The following COL19A1 variants were observed in gnomAD, a reference collection of about 807,000 sequenced individuals.
The protein encoded by COL19A1 is collagen alpha-1(XIX) chain.
Under a neutral mutation model 190.2 loss-of-function variants are expected in COL19A1, and 159 were observed. The observed-to-expected ratio is 0.84, with a 90% CI of 0.73 to 0.95. COL19A1 has a LOEUF of 0.95. Ranked by LOEUF, COL19A1 falls within the 40% of genes least tolerant of loss-of-function variation. The probability of loss-of-function intolerance (pLI) is 0.00; values close to 1 mark genes in which losing one functional copy is unlikely to be tolerated. For synonymous variants in COL19A1, 509 were observed against 458.9 expected (o/e 1.11, Z -1.39); for missense variants, 1,418 against 1,431.9 (o/e 0.99, Z 0.16).
chr6:70,188,609 C>G (rs1766672546), intron 47 of COL19A1, among the ~76,000 whole-genome samples: 1 of 152,214 alleles, frequency 6.6e-6, no homozygotes, highest in South Asian at 2.1e-4. Flanking sequence ...TCTAATGTCT[C>G]CTTACACTAC....
intron 11 of COL19A1, among the ~76,000 whole-genome samples, chr6:69,993,066 A>G (rs763612882): frequency 3.3e-5 from 5 of 152,090 alleles, no homozygotes; most frequent in Admixed American, 6.6e-5. Flanking sequence ...GCTTTTGCCC[A>G]TTCGGTATAA....
intron 1 of COL19A1, among the ~76,000 whole-genome samples, chr6:69,874,810 T>C (rs1263104066): frequency 3.9e-5 from 6 of 152,150 alleles, no homozygotes; most frequent in Non-Finnish European, 5.9e-5. Flanking sequence ...TAATGACCCT[T>C]GAAAGATTAT....
intron 46 of COL19A1, among the ~76,000 whole-genome samples, chr6:70,185,539 C>T (rs1263632244): frequency 6.6e-6 from 1 of 152,056 alleles, no homozygotes; most frequent in African/African-American, 2.4e-5. Context: ...ACTAGTAATG[C>T]CAATTATGTT....
chr6:70,090,144 T>C (rs1224208720), intron 15 of COL19A1, among the ~76,000 whole-genome samples: 2 of 151,674 alleles, frequency 1.3e-5, no homozygotes, highest in Non-Finnish European at 2.9e-5. Context: ...ACCACTTTAC[T>C]TCAGCCTGGG....
At position 69,922,727 on chromosome 6, in the gene COL19A1, C is replaced by T. The variant is rs532514771; in HGVS notation, c.267-5182C>T. Among the ~76,000 whole-genome samples the T allele has an allele frequency of 1.6e-3, 250 of 152,130 alleles. 2 individuals carry two copies. Among genetic ancestry groups the T allele is most frequent in the South Asian group, 0.015 (74 of 4,814 alleles). On this transcript the variant is annotated intron_variant, in intron 4 of 50. Coordinates refer to ENST00000620364, the MANE Select transcript of COL19A1 (RefSeq NM_001858.6). Reference sequence around the variant, plus strand: ...AACTCCTGACCTCAAGTGATCTGCCCGCCTCGGCCTCCCAAAGTGCTGGAA... The same window carrying T: ...AACTCCTGACCTCAAGTGATCTGCCTGCCTCGGCCTCCCAAAGTGCTGGAA...
At chr6:69,959,014 G>C (rs1023994858) in intron 9 of COL19A1, among the ~76,000 whole-genome samples, 3 of 152,116 alleles carry the variant, frequency 2.0e-5, no homozygotes, top group African/African-American at 4.8e-5. Flanking sequence ...AATTGTTAGC[G>C]TATTTTGAGC....
intron 42 of COL19A1, among the ~76,000 whole-genome samples, chr6:70,177,211 C>T (rs1019097161): frequency 3.3e-5 from 5 of 152,162 alleles, no homozygotes; most frequent in Admixed American, 2.6e-4. Flanking sequence ...TTTGTGGTCA[C>T]GCTTTATGAA....
chr6:69,867,070 T>C (rs1378171133), intron 1 of COL19A1, among the ~76,000 whole-genome samples: 1 of 147,580 alleles, frequency 6.8e-6, no homozygotes, highest in Non-Finnish European at 1.5e-5. Flanking sequence ...ACAAACTCAC[T>C]ATCAATTCAT....
At position 70,188,133 on chromosome 6, in the gene COL19A1, T is replaced by G; in HGVS notation, c.2915T>G (p.Leu972Arg). The change falls in exon 47 of 51, where the codon CTT becomes CGT. Residue 972 changes from leucine to arginine, a missense_variant. By Grantham distance (102) the Leu-to-Arg change is moderately radical. Transcript: ENST00000620364. ...CAAGGTGAACGGGGAAAACCAGGCC[T>G]TACAGGCATGAAGGGGGCCATCGGT... Reference protein sequence around the residue: ...GSQGERGKPGLTGMKGAIGPM... With the variant: ...GSQGERGKPGRTGMKGAIGPM... 6.2e-7 allele frequency: 1 copy of G among 1,613,836 alleles called. No individual in the cohort carries two copies. Among genetic ancestry groups the G allele is most frequent in the Non-Finnish European group, 8.5e-7 (1 of 1,179,870 alleles).
intron 14 of COL19A1, among the ~76,000 whole-genome samples, chr6:70,067,501 T>TG (rs1781309870): frequency 6.6e-6 from 1 of 152,046 alleles, no homozygotes; most frequent in Non-Finnish European, 1.5e-5. Context: ...CAGCATTTGA[T>TG]GGGGTAAACT....
At position 69,899,513 on chromosome 6, in the gene COL19A1, A is replaced by G. The variant is rs530113264; in HGVS notation, c.166+491A>G. Among the ~76,000 whole-genome samples the G allele has an allele frequency of 5.9e-5, 9 of 152,214 alleles. No individual in the cohort carries two copies. In the South Asian group the frequency reaches 1.9e-3, roughly 32 times the overall value. On this transcript the variant is annotated intron_variant, in intron 3 of 50. Transcript: ENST00000620364. ...CCGAAAGCAGGGTTCTATATGTTTA[A>G]TCTGTGATCAACAATACCTCAACCT...
intron 16 of COL19A1, among the ~76,000 whole-genome samples, chr6:70,111,451 A>G (rs1784281836): frequency 6.6e-6 from 1 of 152,230 alleles, no homozygotes; most frequent in African/African-American, 2.4e-5. Flanking sequence ...CCCAAAGCAA[A>G]TATCGCAAAA....
rs1460014547 is a variant in COL19A1, at chr6:69,927,989, G to A, written c.347G>A (p.Arg116Gln). 9.3e-6 allele frequency: 15 copies of A among 1,613,158 alleles called. No homozygotes were observed. Among genetic ancestry groups the A allele is most frequent in the Non-Finnish European group, 1.2e-5 (14 of 1,179,410 alleles). The change falls in exon 5 of 51, where the codon CGG becomes CAG. Residue 116 changes from arginine to glutamine, a missense_variant. Physicochemically the swap from Arg to Gln is conservative, Grantham distance 43. Coordinates refer to ENST00000620364, the MANE Select transcript of COL19A1 (RefSeq NM_001858.6). ...FRVRRNAKKERWFLWQVLNQQ... is the reference protein window; with the variant it reads ...FRVRRNAKKEQWFLWQVLNQQ... ...GTACGAAGAAACGCCAAAAAGGAAC[G>A]GTGGTTTCTGTGGCAGGTTTTAAAC...
chr6:69,901,080 A>G lies in COL19A1; in HGVS notation c.266+742A>G, dbSNP rs1161454612. On this transcript the variant is annotated intron_variant, in intron 4 of 50. Coordinates refer to ENST00000620364, the MANE Select transcript of COL19A1 (RefSeq NM_001858.6). ...GCAGGTAGCACATATGGTCAGGATA[A>G]TTATTCCTGGAGTCCAAGATGAATA... 2.0e-5 allele frequency among the ~76,000 whole-genome samples: 3 copies of G among 152,208 alleles called. No individual in the cohort carries two copies. In the East Asian group the frequency reaches 5.8e-4, roughly 29 times the overall value.
At chr6:70,075,767 G>A (rs1321699252) in intron 15 of COL19A1, among the ~76,000 whole-genome samples, 2 of 151,256 alleles carry the variant, frequency 1.3e-5, no homozygotes, top group African/African-American at 2.5e-5. Context: ...GCCCTGGAAA[G>A]GCTGTCAATG....
intron 36 of COL19A1, 95 bp downstream of exon 36, chr6:70,163,491 G>A: frequency 8.6e-7 from 1 of 1,156,354 alleles, no homozygotes; most frequent in South Asian, 1.4e-5. Flanking sequence ...ATCAAGCAAA[G>A]CCTAAAAGTA....
chr6:70,052,535 G>A (rs1003281574), intron 14 of COL19A1, among the ~76,000 whole-genome samples: 2 of 152,048 alleles, frequency 1.3e-5, no homozygotes, highest in African/African-American at 2.4e-5. Flanking sequence ...TTTTTTTCTG[G>A]TGTTTTTCTA....
intron 14 of COL19A1, among the ~76,000 whole-genome samples, chr6:70,039,368 A>G (rs1779516856): frequency 6.6e-6 from 1 of 152,248 alleles, no homozygotes. Context: ...GATTACTTTC[A>G]GGAGCTTCCA....
Position 70,212,107 on chromosome 6 carries a change from A to T in COL19A1, c.*4833A>T, listed in dbSNP as rs1434370360. On this transcript the variant is annotated 3_prime_UTR_variant, in exon 51 of 51. Transcript: ENST00000620364. ...CATACTAAGCTTCTGGGTGTAAGTA[A>T]AGATGCTGGCTATTTTACAACTTTT... Among the ~76,000 whole-genome samples the T allele has an allele frequency of 6.6e-6, 1 of 152,164 alleles. No homozygotes were observed. Among genetic ancestry groups the T allele is most frequent in the Non-Finnish European group, 1.5e-5 (1 of 68,014 alleles).
Sources: allele counts gnomAD v4.1 joint callset (sites outside exome capture counted in the v4.1 genomes callset), GRCh38; gene constraint gnomAD v4.1.1; transcripts MANE v1.5; gene names NCBI Gene and HGNC (gene_info 2026-07-23, HGNC 2026-07-21).